SMIM40: variants seen among roughly 807,000 people sequenced by gnomAD.
SMIM40 encodes small integral membrane protein 40.
In SMIM40 at chr6:33,323,859, G is replaced by C. The variant is rs916266128; in HGVS notation, c.*105C>G. On this transcript the variant is annotated 3_prime_UTR_variant, in exon 3 of 3. Coordinates refer to ENST00000494082, the MANE Select transcript of SMIM40 (RefSeq NM_001369203.1). Reference sequence around the variant, plus strand: ...GAGTTTGTGCAAATTGCCGCTGCGAGGGCTGCTGTGAGGCGAAATGAGGCT... The same window carrying C: ...GAGTTTGTGCAAATTGCCGCTGCGACGGCTGCTGTGAGGCGAAATGAGGCT... 2 of 152,438 alleles carry C rather than the reference G, an allele frequency of 1.3e-5. No individual in the cohort carries two copies. Among genetic ancestry groups the C allele is most frequent in the Non-Finnish European group, 1.5e-5 (1 of 68,110 alleles). 9.4% of individuals were successfully genotyped at this position (152,438 alleles called of 1,614,324 possible). A position where few individuals can be genotyped will look rare whatever the true frequency, so the allele number is the denominator to read the frequency against.
chr6:33,327,834 C>T (rs1771299257), intron 1 of SMIM40, among the ~76,000 whole-genome samples: 1 of 141,538 alleles, frequency 7.1e-6, no homozygotes, highest in South Asian at 2.3e-4. Context: ...CACTGCACTC[C>T]AGCCTGGGCA....
intron 1 of SMIM40, among the ~76,000 whole-genome samples, chr6:33,326,992 C>T (rs1581804950): frequency 6.8e-6 from 1 of 146,254 alleles, no homozygotes; most frequent in Non-Finnish European, 1.5e-5. Context: ...GGTGTAGTGG[C>T]GGGCGCCTGT....
At position 33,329,133 on chromosome 6, in the gene SMIM40, G is replaced by A; in HGVS notation, c.133C>T (p.Leu45=). Residue 45 remains leucine, a synonymous_variant, in exon 1 of 3, where the codon CTG becomes TTG. Coordinates refer to ENST00000494082, the MANE Select transcript of SMIM40 (RefSeq NM_001369203.1). ...FFIFLALFLT[L]LMLEAAYKLL... is the part of the protein sequence containing the mutation. ...TTATAAGCAGCCTCCAGCATCAGCA[G>A]TGTCAGGAAGAGGGCCAGGAAGATA... 1 of 398,916 alleles carries A rather than the reference G, an allele frequency of 2.5e-6. No individual in the cohort carries two copies. The highest frequency in any genetic ancestry group is 6.3e-4 in the Middle Eastern group (1 of 1,588). The allele number at this position is 398,916 out of a possible 1,614,324, so 24.7% of individuals were successfully genotyped here.
intron 2 of SMIM40, 49 bp from the exon 3 acceptor site, chr6:33,323,913 C>G (rs1770964560): frequency 6.6e-6 from 1 of 152,224 alleles, no homozygotes; most frequent in Admixed American, 6.6e-5. Flanking sequence ...TCCTCCTCCT[C>G]CTCTTCGGGG....
intron 1 of SMIM40, among the ~76,000 whole-genome samples, chr6:33,325,790 G>A (rs906705826): frequency 1.4e-5 from 2 of 147,544 alleles, no homozygotes; most frequent in African/African-American, 5.3e-5. Flanking sequence ...CCCGGGAGGC[G>A]GAGCTTGCAG....
chr6:33,326,596 G>A lies in SMIM40; in HGVS notation c.*39+2391C>T, dbSNP rs534149291. 2.7e-3 allele frequency among the ~76,000 whole-genome samples: 381 copies of A among 139,312 alleles called. 1 individual carries two copies. The Middle Eastern group carries it at 0.029, about 11-fold the overall frequency. 91.4% of individuals were successfully genotyped at this position (139,312 alleles called of 152,430 possible). ...TCCTACCACTTTGGGAGGCCGAGGCGGGCAGATCACTTGAGGTCAGGAGTT... is the reference window on the plus strand; with the variant it reads ...TCCTACCACTTTGGGAGGCCGAGGCAGGCAGATCACTTGAGGTCAGGAGTT... On this transcript the variant is annotated intron_variant, in intron 1 of 2. Coordinates refer to ENST00000494082, the MANE Select transcript of SMIM40 (RefSeq NM_001369203.1).
intron 1 of SMIM40, 51 bp downstream of exon 1, chr6:33,328,936 T>A: frequency 1.2e-5 from 4 of 323,148 alleles, no homozygotes; most frequent in Non-Finnish European, 2.2e-5. Flanking sequence ...TATCCAAGCA[T>A]CTCCTCCATA....
intron 1 of SMIM40, among the ~76,000 whole-genome samples, chr6:33,328,667 T>A (rs1771361827): frequency 6.6e-6 from 1 of 151,792 alleles, no homozygotes; most frequent in Non-Finnish European, 1.5e-5. Context: ...GGCAGGCAGA[T>A]ACCTGAGGTC....
chr6:33,325,475 C>G (rs1771111486), intron 1 of SMIM40, among the ~76,000 whole-genome samples: 1 of 148,974 alleles, frequency 6.7e-6, no homozygotes, highest in Non-Finnish European at 1.5e-5. Context: ...TCTCAAAGTG[C>G]TGGGATTATG....
intron 1 of SMIM40, among the ~76,000 whole-genome samples, chr6:33,326,374 T>C (rs972030045): frequency 6.8e-6 from 1 of 147,810 alleles, no homozygotes; most frequent in Non-Finnish European, 1.5e-5. Context: ...TATGGGTTTT[T>C]GGCATGTTGG....
At chr6:33,325,513 A>G (rs1311403607) in intron 1 of SMIM40, among the ~76,000 whole-genome samples, 1 of 148,606 alleles carries the variant, frequency 6.7e-6, no homozygotes, top group Non-Finnish European at 1.5e-5. Flanking sequence ...CCAGACTACT[A>G]TCTTATTAAA....
Position 33,329,184 on chromosome 6 carries a change from G to A in SMIM40, c.82C>T (p.Arg28Ter), listed in dbSNP as rs1771397403. ...QGPSPPRGPV[R>*]RALDKAFFIF... ...AAGAAAGCCTTGTCCAAGGCACGTC[G>A]CACGGGACCCCTGGGAGGGGAGGGA... is the stretch of plus-strand genomic sequence containing the variant. Residue 28 changes from arginine (R) to a stop codon, truncating the protein, a stop_gained, in exon 1 of 3, where the codon CGA becomes TGA. Transcript: ENST00000494082. LOFTEE classifies it high-confidence loss of function. 7.5e-6 allele frequency: 3 copies of A among 398,668 alleles called. No homozygotes were observed. The highest frequency in any genetic ancestry group is 1.3e-4 in the South Asian group (1 of 7,866). The allele number at this position is 398,668 out of a possible 1,614,324, so 24.7% of individuals were successfully genotyped here. A position where few individuals can be genotyped will look rare whatever the true frequency, so the allele number is the denominator to read the frequency against.
At chr6:33,328,355 A>G (rs1056939836) in intron 1 of SMIM40, among the ~76,000 whole-genome samples, 5 of 150,442 alleles carry the variant, frequency 3.3e-5, no homozygotes, top group African/African-American at 9.7e-5. Flanking sequence ...TTTCCCGGCT[A>G]ATTTTTGTAT....
chr6:33,327,048 C>T (rs956284847), intron 1 of SMIM40, among the ~76,000 whole-genome samples: 8 of 148,476 alleles, frequency 5.4e-5, no homozygotes, highest in African/African-American at 7.8e-5. Flanking sequence ...CGCTTGAACC[C>T]GGGAGGCAGA....
chr6:33,327,522 A>C lies in SMIM40; in HGVS notation c.*39+1465T>G, dbSNP rs528843546. ...GGTGGGTGGATTGCTTGATCTCAGG[A>C]TTACAGACCAGCCTAGGCAACATAG... On this transcript the variant is annotated intron_variant, in intron 1 of 2. Coordinates refer to ENST00000494082, the MANE Select transcript of SMIM40 (RefSeq NM_001369203.1). 4.7e-5 allele frequency among the ~76,000 whole-genome samples: 7 copies of C among 149,544 alleles called. No homozygotes were observed. The South Asian group carries it at 8.3e-4, about 18-fold the overall frequency.
At chr6:33,327,117 G>A (rs1771245669) in intron 1 of SMIM40, among the ~76,000 whole-genome samples, 1 of 144,926 alleles carries the variant, frequency 6.9e-6, no homozygotes, top group Admixed American at 6.8e-5. Flanking sequence ...CAGAGAGACT[G>A]TGTCTCAAAA....
chr6:33,324,545 C>CTTTTTTTTTT (rs9280406), intron 1 of SMIM40, among the ~76,000 whole-genome samples: 4 of 103,214 alleles, frequency 3.9e-5, no homozygotes, highest in Non-Finnish European at 7.8e-5. Flanking sequence ...ACCACCTTTT[C>CTTTTTTTTTT]TTTTTTTTTT....
intron 1 of SMIM40, among the ~76,000 whole-genome samples, chr6:33,325,379 A>AAAG (rs1771103895): frequency 6.8e-6 from 1 of 148,104 alleles, no homozygotes; most frequent in Non-Finnish European, 1.5e-5. Flanking sequence ...AAAAAAAAAA[A>AAAG]AAGGTTTTTT....
At position 33,327,537 on chromosome 6, in the gene SMIM40, A is replaced by T. The variant is rs1771279377; in HGVS notation, c.*39+1450T>A. On this transcript the variant is annotated intron_variant, in intron 1 of 2. Transcript: ENST00000494082. Reference sequence around the variant, plus strand: ...TGATCTCAGGATTACAGACCAGCCTAGGCAACATAGTGAGACCTCATCTCA... The same window carrying T: ...TGATCTCAGGATTACAGACCAGCCTTGGCAACATAGTGAGACCTCATCTCA... Among the ~76,000 whole-genome samples, 6 of 149,518 alleles carry T rather than the reference A, an allele frequency of 4.0e-5. No individual in the cohort carries two copies. The South Asian group carries it at 1.2e-3, about 31-fold the overall frequency.
Sources: gnomAD v4.1 joint callset for allele counts (sites outside exome capture counted in the v4.1 genomes callset) on GRCh38, gnomAD v4.1.1 for gene constraint, MANE v1.5 for transcripts, NCBI Gene and HGNC (gene_info 2026-07-23, HGNC 2026-07-21) for gene names.